MAPT: variants seen among roughly 807,000 people sequenced by gnomAD.
MAPT encodes the protein microtubule associated protein tau, also known as microtubule-associated protein tau.
MAPT carries 34 observed loss-of-function variants against 67.9 expected under a neutral mutation model. The observed-to-expected ratio is 0.50, with a 90% CI of 0.38 to 0.67. The LOEUF is 0.67. Ranked by LOEUF, MAPT falls within the 30% of genes least tolerant of loss-of-function variation. The pLI is 0.00. For synonymous variants in MAPT, 456 were observed against 464.5 expected (o/e 0.98, Z 0.23); for missense variants, 881 against 1,115.2 (o/e 0.79, Z 2.99).
At chr17:46,008,486 T>A (rs62064670) in intron 9 of MAPT, among the ~76,000 whole-genome samples, 21,798 of 151,498 alleles carry the variant, frequency 0.14, 2,132 homozygotes, top group Non-Finnish European at 0.22. Context: ...TAAATGAGAC[T>A]TCAAGGAAAT....
chr17:45,941,717 T>TCCTGCCTTCCTG (rs1195804704), intron 1 of MAPT, among the ~76,000 whole-genome samples: 8 of 88,380 alleles, frequency 9.1e-5, no homozygotes, highest in Non-Finnish European at 1.3e-4. Context: ...CTTCCTTCCT[T>TCCTGCCTTCCTG]CCTTCCTTCC....
At position 45,978,439 on chromosome 17, in the gene MAPT, A is replaced by C. The variant is rs1211849541; in HGVS notation, c.285A>C (p.Gln95His). ...LEDEAAGHVTQEELRVPGRQR... is the reference protein window; with the variant it reads ...LEDEAAGHVTHEELRVPGRQR... ...ACGAAGCTGCTGGTCACGTGACCCA[A>C]GGTCAGTGAACTGGAATTGCCTGCC... Residue 95 changes from glutamine (Q) to histidine (H), a missense_variant and splice_region_variant, in exon 4 of 13, where the codon CAA becomes CAC. By Grantham distance (24) the Gln-to-His change is conservative. This residue lies in a region of MAPT where 687 missense variants were observed against 766.1 expected (regional missense o/e 0.90). Coordinates refer to ENST00000262410, the MANE Select transcript of MAPT (RefSeq NM_001377265.1). 8 of 1,526,768 alleles carry C rather than the reference A, an allele frequency of 5.2e-6. No homozygotes were observed. Among genetic ancestry groups the C allele is most frequent in the Non-Finnish European group, 7.1e-6 (8 of 1,124,342 alleles). 94.6% of individuals were successfully genotyped at this position (1,526,768 alleles called of 1,614,324 possible).
At position 45,906,831 on chromosome 17, in the gene MAPT, A is replaced by G. The variant is rs1171813840; in HGVS notation, c.-18+12145A>G. On this transcript the variant is annotated intron_variant, in intron 1 of 12. Coordinates refer to ENST00000262410, the MANE Select transcript of MAPT (RefSeq NM_001377265.1). The surrounding 1 kb of genome is among the most constrained non-coding windows in gnomAD (Gnocchi z 4.3). ...TGGAGCCTTAAGCTCTTCTCCCTCC[A>G]CATCCTGGAACAGACCCGCCAGTTT... 6.6e-6 allele frequency among the ~76,000 whole-genome samples: 1 copy of G among 151,956 alleles called. No homozygotes were observed. The highest frequency in any genetic ancestry group is 1.5e-5 in the Non-Finnish European group (1 of 67,988).
intron 1 of MAPT, among the ~76,000 whole-genome samples, chr17:45,953,642 A>G (rs916384886): frequency 6.6e-6 from 1 of 152,210 alleles, no homozygotes; most frequent in African/African-American, 2.4e-5. Flanking sequence ...CCTGTAGGTC[A>G]TCAGCCTTCT....
intron 1 of MAPT, among the ~76,000 whole-genome samples, chr17:45,953,743 C>T (rs1476007350): frequency 6.6e-6 from 1 of 152,146 alleles, no homozygotes; most frequent in African/African-American, 2.4e-5. Context: ...CAGTGAGACT[C>T]ATTGCCCTGT....
At chr17:45,949,162 C>G (rs1016307129) in intron 1 of MAPT, among the ~76,000 whole-genome samples, 2 of 152,256 alleles carry the variant, frequency 1.3e-5, no homozygotes, top group Non-Finnish European at 2.9e-5. Flanking sequence ...AGACCAGAAC[C>G]GCGGGCCAGG....
chr17:45,927,796 C>T (rs974417775), intron 1 of MAPT, among the ~76,000 whole-genome samples: 6 of 151,798 alleles, frequency 4.0e-5, no homozygotes, highest in South Asian at 2.1e-4. Context: ...GTCAGGAGAT[C>T]GAGACCATCC....
intron 9 of MAPT, among the ~76,000 whole-genome samples, chr17:46,003,342 A>C (rs1013351659): frequency 3.3e-5 from 5 of 151,494 alleles, no homozygotes; most frequent in Non-Finnish European, 5.9e-5. Flanking sequence ...GCAGTGGTGC[A>C]ATCTCGGCTC....
chr17:45,904,308 TA>T lies in MAPT; in HGVS notation c.-18+9627del, dbSNP rs1158980205. ...TAATATGTATAATATATAATATATA[TA>T]AAAACATATATAATATATATTATAT... On this transcript the variant is annotated intron_variant, in intron 1 of 12. Transcript: ENST00000262410. 1.5e-3 allele frequency among the ~76,000 whole-genome samples: 61 copies of T among 41,516 alleles called. 4 individuals are homozygous for T. Among genetic ancestry groups the T allele is most frequent in the Admixed American group, 3.4e-3 (8 of 2,364 alleles). 27.2% of individuals were successfully genotyped at this position (41,516 alleles called of 152,430 possible). A position where few individuals can be genotyped will look rare whatever the true frequency, so the allele number is the denominator to read the frequency against.
At chr17:45,999,785 G>T in intron 9 of MAPT, 1 of 894,056 alleles carries the variant, frequency 1.1e-6, no homozygotes, top group Non-Finnish European at 1.7e-6. Flanking sequence ...AGATATTTTG[G>T]GGGACGAAGT....
chr17:45,967,413 T>C (rs892762114), intron 2 of MAPT, among the ~76,000 whole-genome samples: 1 of 152,204 alleles, frequency 6.6e-6, no homozygotes, highest in African/African-American at 2.4e-5. Context: ...CAGTCAAGGC[T>C]GCTGAAAAAT....
chr17:45,974,745 G>T, intron 3 of MAPT: 1 of 476,904 alleles, frequency 2.1e-6, no homozygotes, highest in South Asian at 2.1e-5. Flanking sequence ...CAGTTCCAGA[G>T]ACTTCTCTGC....
intron 4 of MAPT, chr17:45,978,740 C>A: frequency 2.6e-6 from 1 of 377,604 alleles, no homozygotes; most frequent in South Asian, 3.6e-5. Flanking sequence ...CCTGGTGGCT[C>A]ACGCCTCTAA....
intron 9 of MAPT, among the ~76,000 whole-genome samples, chr17:46,004,877 G>A (rs920214676): frequency 2.6e-5 from 4 of 152,106 alleles, no homozygotes; most frequent in South Asian, 2.1e-4. Flanking sequence ...TCCACCTCCC[G>A]GGTTCATGCT....
intron 2 of MAPT, among the ~76,000 whole-genome samples, chr17:45,969,857 G>T (rs537810525): frequency 6.7e-6 from 1 of 148,298 alleles, no homozygotes; most frequent in East Asian, 2.1e-4. Flanking sequence ...TTCTTCCATC[G>T]ATTCATCCAA....
chr17:45,897,329 A>T lies in MAPT; in HGVS notation c.-18+2643A>T, dbSNP rs1339324877. On this transcript the variant is annotated intron_variant, in intron 1 of 12. Transcript: ENST00000262410. The surrounding 1 kb of genome is among the most constrained non-coding windows in gnomAD (Gnocchi z 5.0). The stretch of plus-strand genomic sequence containing the variant: ...AAGGGAGCCCGGTGGGGATGAGCGC[A>T]TTTAGCCCAATGCTGGGAACAAAGC... 1.3e-5 allele frequency: 2 copies of T among 152,248 alleles called. No homozygotes were observed. Among genetic ancestry groups the T allele is most frequent in the Admixed American group, 1.3e-4 (2 of 15,288 alleles). The allele number at this position is 152,248 out of a possible 1,614,324, so 9.4% of individuals were successfully genotyped here. A position where few individuals can be genotyped will look rare whatever the true frequency, so the allele number is the denominator to read the frequency against.
intron 6 of MAPT, among the ~76,000 whole-genome samples, chr17:45,988,907 A>G (rs2145729047): frequency 7.0e-6 from 1 of 143,832 alleles, no homozygotes; most frequent in East Asian, 1.9e-4. Context: ...ACAAACAAAC[A>G]AACAAAAGAG....
Position 45,996,622 on chromosome 17 carries a change from C to T in MAPT, c.1956C>T (p.Ile652=), listed in dbSNP as rs753776994. The change falls in exon 9 of 13, where the codon ATC becomes ATT. Residue 652 remains isoleucine (I), a synonymous_variant. Coordinates refer to ENST00000262410, the MANE Select transcript of MAPT (RefSeq NM_001377265.1). This position sits in a 1 kb window ranked among gnomAD's most constrained non-coding sequence, Gnocchi z 4.5. ...MPDLKNVKSK[I]GSTENLKHQP... ...ACCTGAAGAATGTCAAGTCCAAGATCGGCTCCACTGAGAACCTGAAGCACC... is the reference window on the plus strand; with the variant it reads ...ACCTGAAGAATGTCAAGTCCAAGATTGGCTCCACTGAGAACCTGAAGCACC... 18 of 1,613,774 alleles carry T rather than the reference C, an allele frequency of 1.1e-5. No individual in the cohort carries two copies. The highest frequency in any genetic ancestry group is 1.4e-5 in the Non-Finnish European group (16 of 1,179,946).
At chr17:45,975,697 G>A (rs2072254958) in intron 3 of MAPT, 1 of 152,216 alleles carries the variant, frequency 6.6e-6, no homozygotes, top group Non-Finnish European at 1.5e-5. Context: ...AGTCTCCACA[G>A]TGGCAAAACA....
Sources: allele counts gnomAD v4.1 joint callset (sites outside exome capture counted in the v4.1 genomes callset), GRCh38; gene constraint gnomAD v4.1.1; regional missense constraint gnomAD v4.1.1; non-coding constraint Gnocchi (gnomAD v3.1); transcripts MANE v1.5; gene names NCBI Gene and HGNC (gene_info 2026-07-23, HGNC 2026-07-21).